HS6ST1: variants seen among roughly 807,000 people sequenced by gnomAD.
HS6ST1 encodes heparan-sulfate 6-O-sulfotransferase 1.
HS6ST1 carries 3 observed loss-of-function variants against 25.2 expected under a neutral mutation model. The observed-to-expected ratio is 0.12, with a 90% CI of 0.05 to 0.31. The LOEUF (loss-of-function observed/expected upper bound fraction) is 0.31, where lower values mean the gene tolerates loss of function less well. Among genes scored for constraint, HS6ST1 ranks in the 10% least tolerant of loss-of-function variants. HS6ST1 has a pLI of 1.00. For synonymous variants in HS6ST1, 204 were observed against 275.1 expected, an observed-to-expected ratio of 0.74 and a Z score of 2.56; for missense variants, 310 against 609.6, an observed-to-expected ratio of 0.51 and a Z score of 5.18.
chr2:128,276,976 C>T (rs945703515), intron 1 of HS6ST1, among the ~76,000 whole-genome samples: 1 of 152,174 alleles, frequency 6.6e-6, no homozygotes, highest in African/African-American at 2.4e-5. Flanking sequence ...GGCCGGTTTC[C>T]AGGGCAGTGG....
chr2:128,287,410 C>T (rs895298293), intron 1 of HS6ST1, among the ~76,000 whole-genome samples: 26 of 152,306 alleles, frequency 1.7e-4, no homozygotes, highest in Admixed American at 3.3e-4. Flanking sequence ...GGTCCCCTGA[C>T]GGGCTGCTTC....
chr2:128,305,422 G>A (rs1297598406), intron 1 of HS6ST1, among the ~76,000 whole-genome samples: 3 of 152,196 alleles, frequency 2.0e-5, no homozygotes, highest in African/African-American at 7.2e-5. Context: ...ACTTGCGTGA[G>A]CTAAACCAAC....
At chr2:128,305,708 T>C (rs764247533) in intron 1 of HS6ST1, among the ~76,000 whole-genome samples, 1 of 152,200 alleles carries the variant, frequency 6.6e-6, no homozygotes, top group African/African-American at 2.4e-5. Context: ...CGGGAGACCA[T>C]CTGCTCTGCC....
intron 1 of HS6ST1, among the ~76,000 whole-genome samples, chr2:128,288,734 G>C (rs1693905460): frequency 6.6e-6 from 1 of 151,878 alleles, no homozygotes; most frequent in African/African-American, 2.4e-5. Flanking sequence ...GGAGGTAGGA[G>C]AGTCAGGGAG....
chr2:128,316,100 G>T (rs4662601), intron 1 of HS6ST1, among the ~76,000 whole-genome samples: 86,871 of 152,168 alleles, frequency 0.57, 25,326 homozygotes, highest in East Asian at 0.79. Context: ...AGGGGGAGCC[G>T]GGCCTTCCTG....
At chr2:128,275,855 T>C (rs1294087667) in intron 1 of HS6ST1, among the ~76,000 whole-genome samples, 1 of 152,220 alleles carries the variant, frequency 6.6e-6, no homozygotes, top group Non-Finnish European at 1.5e-5. Context: ...CAGAGGAACC[T>C]TGCTGTTCAC....
At chr2:128,298,341 G>A (rs1403788793) in intron 1 of HS6ST1, among the ~76,000 whole-genome samples, 1 of 152,152 alleles carries the variant, frequency 6.6e-6, no homozygotes, top group Non-Finnish European at 1.5e-5. Flanking sequence ...CAATCTAAAA[G>A]CAGAGACTTA....
At chr2:128,301,214 G>C (rs1694120081) in intron 1 of HS6ST1, among the ~76,000 whole-genome samples, 1 of 151,800 alleles carries the variant, frequency 6.6e-6, no homozygotes, top group Non-Finnish European at 1.5e-5. Context: ...AGGGGCAGGG[G>C]TTCCCGGGGG....
chr2:128,290,034 A>G (rs903959925), intron 1 of HS6ST1: 1 of 152,228 alleles, frequency 6.6e-6, no homozygotes, highest in African/African-American at 2.4e-5. Context: ...AACTACATAT[A>G]TAAATATACA....
intron 1 of HS6ST1, among the ~76,000 whole-genome samples, chr2:128,307,516 G>A (rs563385629): frequency 9.2e-5 from 14 of 152,330 alleles, no homozygotes; most frequent in African/African-American, 2.4e-4. Flanking sequence ...GGAGAGAAGC[G>A]GGGAGCATGC....
At chr2:128,284,869 C>A (rs527721644) in intron 1 of HS6ST1, among the ~76,000 whole-genome samples, 1 of 152,150 alleles carries the variant, frequency 6.6e-6, no homozygotes, top group Non-Finnish European at 1.5e-5. Context: ...CGGAGAGGGA[C>A]CCCACGGCTG....
intron 1 of HS6ST1, among the ~76,000 whole-genome samples, chr2:128,278,595 G>A (rs1042373215): frequency 1.3e-5 from 2 of 152,208 alleles, no homozygotes; most frequent in African/African-American, 4.8e-5. Context: ...CACAGTGGAT[G>A]GTCCTGCGGC....
chr2:128,288,399 G>A (rs967201194), intron 1 of HS6ST1, among the ~76,000 whole-genome samples: 1 of 152,200 alleles, frequency 6.6e-6, no homozygotes, highest in Non-Finnish European at 1.5e-5. Flanking sequence ...CAGCCAGCAC[G>A]ACTTGATACC....
chr2:128,310,507 G>C (rs1029542709), intron 1 of HS6ST1, among the ~76,000 whole-genome samples: 6 of 152,234 alleles, frequency 3.9e-5, no homozygotes, highest in African/African-American at 9.6e-5. Flanking sequence ...AGCACCCACA[G>C]AGCTGGCTCA....
At chr2:128,282,913 C>T (rs1359282058) in intron 1 of HS6ST1, among the ~76,000 whole-genome samples, 1 of 152,176 alleles carries the variant, frequency 6.6e-6, no homozygotes, top group East Asian at 1.9e-4. Flanking sequence ...GCTGACCGCC[C>T]CACATCTGGG....
rs1301226416 is a variant in HS6ST1 at position 128,268,344 on chromosome 2, T to C, written c.1054A>G (p.Lys352Glu). The C allele has an allele frequency of 1.1e-5, 18 of 1,613,548 alleles. No homozygotes were observed. Among genetic ancestry groups the C allele is most frequent in the Non-Finnish European group, 1.5e-5 (18 of 1,179,886 alleles). ...DLDMQLYDYA[K>E]DLFQQRYQYK... ...TGGTAGCGCTGCTGGAAGAGGTCCT[T>C]GGCGTAGTCGTACAGCTGCATGTCC... Residue 352 changes from lysine (K) to glutamate (E), a missense_variant, in exon 2 of 2, where the codon AAG becomes GAG. Transcript: ENST00000259241.
At chr2:128,307,798 T>C (rs192422749) in intron 1 of HS6ST1, among the ~76,000 whole-genome samples, 2 of 152,166 alleles carry the variant, frequency 1.3e-5, no homozygotes, top group East Asian at 3.9e-4. Context: ...CACAGCATGG[T>C]GGTGAGGAGA....
intron 1 of HS6ST1, among the ~76,000 whole-genome samples, chr2:128,283,250 C>T (rs1693812389): frequency 1.3e-5 from 2 of 152,212 alleles, no homozygotes; most frequent in South Asian, 4.1e-4. Context: ...CAGAAATCCG[C>T]TCACAGCAGG....
intron 1 of HS6ST1, among the ~76,000 whole-genome samples, chr2:128,316,732 A>G (rs1573713564): frequency 1.3e-5 from 2 of 150,408 alleles, no homozygotes; most frequent in African/African-American, 4.9e-5. Flanking sequence ...CAGTTGGGGG[A>G]GGGGGGAGAA....
Sources: allele counts gnomAD v4.1 joint callset (sites outside exome capture counted in the v4.1 genomes callset), GRCh38; gene constraint gnomAD v4.1.1; transcripts MANE v1.5; gene names NCBI Gene and HGNC (gene_info 2026-07-23, HGNC 2026-07-21).